The following PRORP variants were observed in gnomAD, a reference collection of about 807,000 sequenced individuals.
PRORP encodes protein only RNase P catalytic subunit.
Under a neutral mutation model 59.4 loss-of-function variants are expected in PRORP, and 51 were observed. The ratio of observed to expected loss-of-function variants is 0.86; its 90% CI spans 0.69 to 1.08. PRORP has a LOEUF of 1.08. PRORP is among the 50% of genes least tolerant of loss of function. PRORP has a pLI of 0.00. For missense variants in PRORP, 646 were observed against 690.3 expected (o/e 0.94, Z 0.72); for synonymous variants, 231 against 245.6 (o/e 0.94, Z 0.55).
At chr14:35,265,892 T>G (rs1472049689) in intron 5 of PRORP, among the ~76,000 whole-genome samples, 4 of 151,858 alleles carry the variant, frequency 2.6e-5, no homozygotes, top group Non-Finnish European at 5.9e-5. Context: ...ACAGCTGAAC[T>G]AGGCTGGGTG....
Position 35,188,151 on chromosome 14 carries a change from C to A in PRORP, c.1275+7374C>A, listed in dbSNP as rs1363737577. ...CTGGCCAGAAATGTCTATTTCTTTG[C>A]CCATTTTTAATTGTTTTTTATTATT... On this transcript the variant is annotated intron_variant, in intron 5 of 7. Transcript: ENST00000534898. 6.7e-5 allele frequency among the ~76,000 whole-genome samples: 10 copies of A among 149,208 alleles called. No individual in the cohort carries two copies. In the Admixed American group the frequency reaches 6.7e-4, roughly 10 times the overall value.
At chr14:35,137,085 G>T (rs2047392632) in intron 4 of PRORP, among the ~76,000 whole-genome samples, 1 of 145,520 alleles carries the variant, frequency 6.9e-6, no homozygotes, top group Admixed American at 7.2e-5. Flanking sequence ...TAGTTTAATG[G>T]GGGCCAAATT....
intron 4 of PRORP, among the ~76,000 whole-genome samples, chr14:35,153,945 G>A (rs1465069143): frequency 6.6e-6 from 1 of 152,158 alleles, no homozygotes; most frequent in Non-Finnish European, 1.5e-5. Flanking sequence ...GCTAGTCACT[G>A]TTATGAGTAC....
At chr14:35,155,129 A>G (rs1051526390) in intron 4 of PRORP, among the ~76,000 whole-genome samples, 3 of 152,114 alleles carry the variant, frequency 2.0e-5, no homozygotes, top group Non-Finnish European at 4.4e-5. Context: ...CGTGGGCTCA[A>G]GTGATTTCCC....
chr14:35,253,538 T>G (rs2050672941), intron 5 of PRORP, among the ~76,000 whole-genome samples: 1 of 152,146 alleles, frequency 6.6e-6, no homozygotes, highest in Non-Finnish European at 1.5e-5. Flanking sequence ...CAGAATCGAT[T>G]GTTTGCTCAG....
intron 5 of PRORP, among the ~76,000 whole-genome samples, chr14:35,183,269 A>G (rs2048663907): frequency 6.6e-6 from 1 of 152,026 alleles, no homozygotes; most frequent in South Asian, 2.1e-4. Context: ...CAGTGTAGTT[A>G]CCTTTGGGAA....
At chr14:35,195,920 T>G (rs763481813) in intron 5 of PRORP, among the ~76,000 whole-genome samples, 52 of 152,312 alleles carry the variant, frequency 3.4e-4, no homozygotes, top group Middle Eastern at 3.4e-3. Flanking sequence ...TAGTTATGAC[T>G]TTAAGAAACA....
At chr14:35,183,454 G>A (rs1256829132) in intron 5 of PRORP, among the ~76,000 whole-genome samples, 1 of 152,062 alleles carries the variant, frequency 6.6e-6, no homozygotes, top group Non-Finnish European at 1.5e-5. Flanking sequence ...GTAATACTCT[G>A]TGTCTTGTGG....
At chr14:35,266,317 CAAAAA>C (rs35672758) in intron 5 of PRORP, among the ~76,000 whole-genome samples, 9 of 126,446 alleles carry the variant, frequency 7.1e-5, no homozygotes. Context: ...AACTCTGTCT[CAAAAA>C]AAAAAAAAAA....
At chr14:35,187,315 A>T (rs2048765068) in intron 5 of PRORP, among the ~76,000 whole-genome samples, 1 of 152,098 alleles carries the variant, frequency 6.6e-6, no homozygotes, top group Non-Finnish European at 1.5e-5. Flanking sequence ...CCTCACGAAC[A>T]CTTGTTATTT....
At chr14:35,237,995 A>G (rs1369299269) in intron 5 of PRORP, among the ~76,000 whole-genome samples, 2 of 152,096 alleles carry the variant, frequency 1.3e-5, no homozygotes, top group South Asian at 2.1e-4. Flanking sequence ...CATTAAGTCA[A>G]ACAAACAAAA....
chr14:35,128,681 T>C (rs2047158346), intron 4 of PRORP, among the ~76,000 whole-genome samples: 1 of 152,188 alleles, frequency 6.6e-6, no homozygotes, highest in African/African-American at 2.4e-5. Context: ...TTTGTTGTAA[T>C]GTCTTCTTTT....
At chr14:35,222,921 T>C (rs1289858233) in intron 5 of PRORP, among the ~76,000 whole-genome samples, 1 of 152,220 alleles carries the variant, frequency 6.6e-6, no homozygotes, top group Non-Finnish European at 1.5e-5. Flanking sequence ...AATTTTGTTT[T>C]TGAAGCCTTA....
chr14:35,227,769 A>AT (rs1180316112), intron 5 of PRORP, among the ~76,000 whole-genome samples: 1 of 152,134 alleles, frequency 6.6e-6, no homozygotes, highest in Non-Finnish European at 1.5e-5. Context: ...TAAAATTATA[A>AT]TTTTTTTCTT....
At chr14:35,211,277 A>C (rs2049439057) in intron 5 of PRORP, among the ~76,000 whole-genome samples, 1 of 152,142 alleles carries the variant, frequency 6.6e-6, no homozygotes, top group African/African-American at 2.4e-5. Flanking sequence ...AGCACTTCTT[A>C]AACATCTTAT....
At chr14:35,255,754 C>A (rs1259812079) in intron 5 of PRORP, among the ~76,000 whole-genome samples, 1 of 152,016 alleles carries the variant, frequency 6.6e-6, no homozygotes, top group African/African-American at 2.4e-5. Context: ...GGGATGCAAT[C>A]GGTAAAATCT....
At chr14:35,211,040 T>G (rs1282881740) in intron 5 of PRORP, among the ~76,000 whole-genome samples, 1 of 152,068 alleles carries the variant, frequency 6.6e-6, no homozygotes, top group Non-Finnish European at 1.5e-5. Flanking sequence ...CCCAAAGTGT[T>G]AAGATTATAG....
rs932309493 is a variant in PRORP at position 35,250,014 on chromosome 14, C to G, written c.1276-16713C>G. On this transcript the variant is annotated intron_variant, in intron 5 of 7. Coordinates refer to ENST00000534898, the MANE Select transcript of PRORP (RefSeq NM_014672.4). Reference sequence around the variant, plus strand: ...TGTAATCCCAGCACTTTGAGAGTCCCAGGTGGGCAGATCACTTGAGGCCAG... The same window carrying G: ...TGTAATCCCAGCACTTTGAGAGTCCGAGGTGGGCAGATCACTTGAGGCCAG... Among the ~76,000 whole-genome samples the G allele has an allele frequency of 4.6e-5, 7 of 151,962 alleles. No homozygotes were observed. The East Asian group carries it at 1.4e-3, about 30-fold the overall frequency.
chr14:35,128,746 T>C (rs1471961147), intron 4 of PRORP, among the ~76,000 whole-genome samples: 2 of 152,170 alleles, frequency 1.3e-5, no homozygotes, highest in Non-Finnish European at 2.9e-5. Context: ...TGGCTAAAGG[T>C]TTATCAATTT....
Sources: allele counts gnomAD v4.1 joint callset (sites outside exome capture counted in the v4.1 genomes callset), GRCh38; gene constraint gnomAD v4.1.1; transcripts MANE v1.5; gene names NCBI Gene and HGNC (gene_info 2026-07-23, HGNC 2026-07-21).